The following APBA2 variants were observed in gnomAD, a reference collection of about 807,000 sequenced individuals.
APBA2 encodes the protein amyloid-beta A4 precursor protein-binding family A member 2.
APBA2 carries 30 observed loss-of-function variants against 75.0 expected under a neutral mutation model. That is an observed-to-expected ratio of 0.40 (90% confidence interval 0.30 to 0.54). The LOEUF is 0.54. Ranked by LOEUF, APBA2 falls within the 20% of genes least tolerant of loss-of-function variation. The pLI, the probability that APBA2 is intolerant of heterozygous loss-of-function variation, is 0.49. For synonymous variants in APBA2, 444 were observed against 409.6 expected, an observed-to-expected ratio of 1.08 and a Z score of -1.01; for missense variants, 801 against 1,016.1, an observed-to-expected ratio of 0.79 and a Z score of 2.88.
intron 3 of APBA2, among the ~76,000 whole-genome samples, chr15:29,004,933 G>T (rs2039034705): frequency 6.6e-6 from 1 of 152,162 alleles, no homozygotes; most frequent in Non-Finnish European, 1.5e-5. Context: ...ACCCGCCTTG[G>T]GCTCTCAAAG....
In APBA2 at chr15:29,105,364, C is replaced by T. The variant is rs762459784; in HGVS notation, c.1525-15C>T. On this transcript the variant is annotated splice_polypyrimidine_tract_variant and intron_variant, in intron 10 of 14. Transcript: ENST00000683413. ...TGCCACGTGCCTGTCTCCAGCTGGC[C>T]TGCCCTCTGCACAGGCCCAGCTCAT... The T allele has an allele frequency of 2.5e-6, 4 of 1,608,270 alleles. No homozygotes were observed. The South Asian group carries it at 4.4e-5, about 18-fold the overall frequency.
rs751798191 is a variant in APBA2, at chr15:29,105,583, G to A, written c.1704+25G>A. 7 of 1,612,092 alleles carry A rather than the reference G, an allele frequency of 4.3e-6. No individual in the cohort carries two copies. In the South Asian group the frequency reaches 4.4e-5, roughly 10 times the overall value. ...GGTAAGCCACACCCACCAGCCTCAG[G>A]GAGGCCACATTTGCCAGCTTCTGCT... On this transcript the variant is annotated intron_variant, in intron 11 of 14. Coordinates refer to ENST00000683413, the MANE Select transcript of APBA2 (RefSeq NM_001353788.2).
chr15:29,110,029 G>A (rs935601173), intron 13 of APBA2, among the ~76,000 whole-genome samples: 2 of 152,236 alleles, frequency 1.3e-5, no homozygotes, highest in Non-Finnish European at 2.9e-5. Context: ...GCACACATGT[G>A]ACCTGGGCAC....
Position 28,910,643 on chromosome 15 carries a change from G to A in APBA2, c.-204-10997G>A, listed in dbSNP as rs531212885. 7.9e-5 allele frequency among the ~76,000 whole-genome samples: 12 copies of A among 152,244 alleles called. No individual in the cohort carries two copies. In the South Asian group the frequency reaches 8.3e-4, roughly 11 times the overall value. On this transcript the variant is annotated intron_variant, in intron 1 of 14. Coordinates refer to ENST00000683413, the MANE Select transcript of APBA2 (RefSeq NM_001353788.2). ...TTAGTTGGGAAAGAGAGCTCCCACC[G>A]TTCTCTTTTAACCCTTGTCCTTTTG... is the stretch of plus-strand genomic sequence containing the variant.
intron 6 of APBA2, among the ~76,000 whole-genome samples, chr15:29,089,634 G>T (rs776787017): frequency 1.4e-4 from 22 of 152,312 alleles, no homozygotes; most frequent in Non-Finnish European, 1.9e-4. Context: ...CAGGCTTGAA[G>T]CTGTGGGACT....
intron 12 of APBA2, 64 bp downstream of exon 12, chr15:29,106,883 T>A (rs1056992490): frequency 4.0e-6 from 6 of 1,490,056 alleles, no homozygotes; most frequent in Non-Finnish European, 5.6e-6. Context: ...ATCCCCACTT[T>A]GCTGCAATCC....
chr15:29,082,617 G>A (rs2043131804), intron 6 of APBA2, among the ~76,000 whole-genome samples: 1 of 152,056 alleles, frequency 6.6e-6, no homozygotes, highest in Admixed American at 6.5e-5. Flanking sequence ...GTTTACCCCA[G>A]CTTACCATTC....
chr15:28,974,502 C>T (rs1421469763), intron 2 of APBA2, among the ~76,000 whole-genome samples: 1 of 152,150 alleles, frequency 6.6e-6, no homozygotes, highest in African/African-American at 2.4e-5. Flanking sequence ...TTCGAGACTA[C>T]TTGGAACACT....
intron 2 of APBA2, among the ~76,000 whole-genome samples, chr15:28,930,362 T>G (rs2034499388): frequency 1.3e-5 from 2 of 152,120 alleles, no homozygotes; most frequent in South Asian, 4.2e-4. Flanking sequence ...GAGCCTGCCC[T>G]GGGGGTGAGC....
intron 3 of APBA2, among the ~76,000 whole-genome samples, chr15:29,025,789 A>C (rs1187206648): frequency 9.2e-5 from 14 of 151,936 alleles, no homozygotes; most frequent in Admixed American, 7.9e-4. Flanking sequence ...CCATCTCTGC[A>C]AAAATACAAA....
At position 28,954,546 on chromosome 15, in the gene APBA2, G is replaced by A. The variant is rs191016799; in HGVS notation, c.-95+32797G>A. 4.3e-3 allele frequency among the ~76,000 whole-genome samples: 659 copies of A among 152,260 alleles called. 9 individuals are homozygous for A. The highest frequency in any genetic ancestry group is 3.8e-3 in the Non-Finnish European group (258 of 68,024). On this transcript the variant is annotated intron_variant, in intron 2 of 14. Coordinates refer to ENST00000683413, the MANE Select transcript of APBA2 (RefSeq NM_001353788.2). ...GCTGGTAACCCCCCACCATGCACAGGCACCCCCACATTAATTCTGTAGCTT... is the reference window on the plus strand; with the variant it reads ...GCTGGTAACCCCCCACCATGCACAGACACCCCCACATTAATTCTGTAGCTT...
At position 29,098,505 on chromosome 15, in the gene APBA2, G is replaced by A. The variant is rs556378441; in HGVS notation, c.1267G>A (p.Ala423Thr). 3.1e-6 allele frequency: 5 copies of A among 1,614,028 alleles called. No individual in the cohort carries two copies. The South Asian group carries it at 5.5e-5, about 18-fold the overall frequency. Residue 423 changes from alanine to threonine, a missense_variant, in exon 9 of 15, where the codon GCC becomes ACC. By Grantham distance (58) the Ala-to-Thr change is moderately conservative. Transcript: ENST00000683413. ...TCCTTCTTAGAATTCTGAGGGGGAT[G>A]CCCAGACGCTGACGGAAGTGGACCT... ...IKKKANSEGD[A>T]QTLTEVDLFI... is the part of the protein sequence containing the mutation.
At chr15:29,023,605 G>A (rs747789704) in intron 3 of APBA2, among the ~76,000 whole-genome samples, 3 of 151,414 alleles carry the variant, frequency 2.0e-5, no homozygotes, top group South Asian at 2.1e-4. Context: ...ACAGGCGTCC[G>A]CCCCCATGCT....
chr15:28,970,105 A>G (rs1022351696), intron 2 of APBA2: 1 of 152,138 alleles, frequency 6.6e-6, no homozygotes, highest in Non-Finnish European at 1.5e-5. Context: ...TGATGCTGCA[A>G]AAACCAAATA....
intron 2 of APBA2, among the ~76,000 whole-genome samples, chr15:28,939,270 C>T (rs1318126852): frequency 1.3e-5 from 2 of 152,150 alleles, no homozygotes; most frequent in Admixed American, 6.5e-5. Flanking sequence ...CTGCTGGACA[C>T]GTGGGTTGGT....
At chr15:28,963,199 C>T (rs78917329) in intron 2 of APBA2, among the ~76,000 whole-genome samples, 7,996 of 152,232 alleles carry the variant, frequency 0.053, 278 homozygotes, top group Middle Eastern at 0.086. Context: ...TTGGTCTGGC[C>T]TGATGTGGGA....
chr15:29,105,665 C>T, intron 11 of APBA2, 107 bp downstream of exon 11: 1 of 1,263,836 alleles, frequency 7.9e-7, no homozygotes, highest in Non-Finnish European at 1.1e-6. Context: ...CCTTGCCTTC[C>T]TATCAGACTC....
rs2040019804 is a variant in APBA2, at chr15:29,022,834, A to G, written c.-41+27028A>G. 2.6e-5 allele frequency among the ~76,000 whole-genome samples: 4 copies of G among 152,202 alleles called. 1 individual carries two copies. The South Asian group carries it at 8.3e-4, about 31-fold the overall frequency. On this transcript the variant is annotated intron_variant, in intron 3 of 14. Coordinates refer to ENST00000683413, the MANE Select transcript of APBA2 (RefSeq NM_001353788.2). The stretch of plus-strand genomic sequence containing the variant: ...TAAAATACTTAAAATTGAAATATTT[A>G]CTATATTAAAATGCAGTATTATTTG...
At chr15:28,897,218 C>T (rs1438923037) in intron 1 of APBA2, among the ~76,000 whole-genome samples, 1 of 151,338 alleles carries the variant, frequency 6.6e-6, no homozygotes, top group Non-Finnish European at 1.5e-5. Flanking sequence ...CACACGTCCA[C>T]TAAAGAGATG....
Sources: allele counts gnomAD v4.1 joint callset (sites outside exome capture counted in the v4.1 genomes callset), GRCh38; gene constraint gnomAD v4.1.1; transcripts MANE v1.5; gene names NCBI Gene and HGNC (gene_info 2026-07-23, HGNC 2026-07-21).